The following CFAP46 variants were observed in gnomAD, a reference collection of about 807,000 sequenced individuals.
CFAP46 encodes the protein cilia- and flagella-associated protein 46.
A neutral mutation model predicts 325.7 loss-of-function variants in CFAP46; 245 were observed. The ratio of observed to expected loss-of-function variants is 0.75; its 90% CI spans 0.68 to 0.84. CFAP46 has a LOEUF of 0.84. Ranked by LOEUF, CFAP46 falls within the 40% of genes least tolerant of loss-of-function variation. The pLI is 0.00. For synonymous variants in CFAP46, 1,523 were observed against 1,495.9 expected (o/e 1.02, Z -0.42); for missense variants, 3,346 against 3,543.0 (o/e 0.94, Z 1.41).
chr10:132,810,407 A>G lies in CFAP46; in HGVS notation c.7664+2T>C. ...GCGGGGTGCAGGCCGCCCCTCCCTT[A>G]CCTTGGTTCACCGCCTCGTCGCCAC... On this transcript the variant is annotated splice_donor_variant, in intron 57 of 57. Transcript: ENST00000368586. LOFTEE classifies it high-confidence loss of function. 4 of 1,613,056 alleles carry G rather than the reference A, an allele frequency of 2.5e-6. No individual in the cohort carries two copies. The highest frequency in any genetic ancestry group is 3.4e-6 in the Non-Finnish European group (4 of 1,179,838).
At chr10:132,912,165 T>C (rs142159705) in intron 19 of CFAP46, among the ~76,000 whole-genome samples, 1 of 109,610 alleles carries the variant, frequency 9.1e-6, no homozygotes, top group African/African-American at 3.5e-5. Flanking sequence ...CTCTCTCTCT[T>C]CTCTCTCCTC....
chr10:132,834,207 CA>C lies in CFAP46; in HGVS notation c.6867-85del, dbSNP rs1848199972. 6 of 1,259,720 alleles carry C rather than the reference CA, an allele frequency of 4.8e-6. No individual in the cohort carries two copies. The South Asian group carries it at 7.7e-5, about 16-fold the overall frequency. 78.0% of individuals were successfully genotyped at this position (1,259,720 alleles called of 1,614,324 possible). A position where few individuals can be genotyped will look rare whatever the true frequency, so the allele number is the denominator to read the frequency against. On this transcript the variant is annotated intron_variant, in intron 48 of 57. Coordinates refer to ENST00000368586, the MANE Select transcript of CFAP46 (RefSeq NM_001200049.3). Reference sequence around the variant, plus strand: ...TAGGCGACACCTGCTCAGCCTGTTTCACTCTAAGGCAGCAGCACCACGAATC... The same window carrying C: ...TAGGCGACACCTGCTCAGCCTGTTTCCTCTAAGGCAGCAGCACCACGAATC...
chr10:132,896,677 C>T (rs11146575), intron 24 of CFAP46, among the ~76,000 whole-genome samples: 22 of 152,256 alleles, frequency 1.4e-4, no homozygotes, highest in Admixed American at 1.3e-4. Context: ...CAGTATTCAA[C>T]GCAATCCCTA....
At chr10:132,820,876 ATGTGTGCTG>A (rs1847791254) in intron 50 of CFAP46, among the ~76,000 whole-genome samples, 1 of 64,652 alleles carries the variant, frequency 1.5e-5, no homozygotes, top group Non-Finnish European at 2.8e-5. Context: ...GTGTGTGCTG[ATGTGTGCTG>A]TGTGTGTGCT....
Position 132,922,474 on chromosome 10 carries a change from C to A in CFAP46, c.1485+6G>T. Reference sequence around the variant, plus strand: ...CCCAGCCTCCCTCACTTCCCCGGGGCGGCACCTGCTCAACGGCCATGATGG... The same window carrying A: ...CCCAGCCTCCCTCACTTCCCCGGGGAGGCACCTGCTCAACGGCCATGATGG... On this transcript the variant is annotated splice_donor_region_variant and intron_variant, in intron 12 of 57. Coordinates refer to ENST00000368586, the MANE Select transcript of CFAP46 (RefSeq NM_001200049.3). 1 of 1,527,878 alleles carries A rather than the reference C, an allele frequency of 6.5e-7. No individual in the cohort carries two copies. Among genetic ancestry groups the A allele is most frequent in the South Asian group, 1.2e-5 (1 of 83,268 alleles). The allele number at this position is 1,527,878 out of a possible 1,614,324, so 94.6% of individuals were successfully genotyped here. A position where few individuals can be genotyped will look rare whatever the true frequency, so the allele number is the denominator to read the frequency against.
At chr10:132,810,844 C>T in intron 56 of CFAP46, 106 bp downstream of exon 56, 1 of 1,070,762 alleles carries the variant, frequency 9.3e-7, no homozygotes, top group Non-Finnish European at 1.4e-6. Flanking sequence ...TCTCACCGTT[C>T]TTGAAACCCG....
chr10:132,909,839 GC>G, intron 20 of CFAP46, 79 bp downstream of exon 20: 1 of 1,319,614 alleles, frequency 7.6e-7, no homozygotes, highest in Non-Finnish European at 9.7e-7. Context: ...GGTCCCGGGG[GC>G]CCCACCACCC....
intron 10 of CFAP46, among the ~76,000 whole-genome samples, chr10:132,925,354 C>T (rs1266446553): frequency 1.3e-5 from 2 of 152,278 alleles, no homozygotes; most frequent in African/African-American, 2.4e-5. Flanking sequence ...CACTTGGCCA[C>T]GTCCCCACAG....
intron 10 of CFAP46, 89 bp downstream of exon 10, chr10:132,926,479 C>A (rs1849813615): frequency 1.0e-6 from 1 of 952,430 alleles, no homozygotes. Context: ...GTCCCCAGCA[C>A]CCTCAAGCCT....
chr10:132,822,802 CTG>C (rs1847902233), intron 50 of CFAP46, among the ~76,000 whole-genome samples: 2 of 54,590 alleles, frequency 3.7e-5, no homozygotes, highest in Non-Finnish European at 8.6e-5. Context: ...TGTGTGTGTG[CTG>C]ATGTGTGCTG....
At chr10:132,907,511 T>G (rs995196243) in intron 22 of CFAP46, among the ~76,000 whole-genome samples, 5 of 152,246 alleles carry the variant, frequency 3.3e-5, no homozygotes, top group African/African-American at 1.2e-4. Flanking sequence ...AGAGGCCATT[T>G]TCTTTCATTG....
chr10:132,885,054 C>T (rs1649484414), intron 27 of CFAP46, 49 bp downstream of exon 27: 1 of 1,507,852 alleles, frequency 6.6e-7, no homozygotes, highest in Non-Finnish European at 8.9e-7. Flanking sequence ...TTCTCCCTTT[C>T]ACTAAAGGAC....
intron 50 of CFAP46, among the ~76,000 whole-genome samples, chr10:132,815,539 C>T (rs953162836): frequency 6.6e-6 from 1 of 152,214 alleles, no homozygotes; most frequent in Non-Finnish European, 1.5e-5. Flanking sequence ...TCCTGGCTCA[C>T]GAAGTAAATA....
At position 132,814,738 on chromosome 10, in the gene CFAP46, G is replaced by A. The variant is rs1259242288; in HGVS notation, c.7197C>T (p.Ile2399=). Residue 2399 remains isoleucine, a synonymous_variant, in exon 52 of 58, where the codon ATC becomes ATT. Coordinates refer to ENST00000368586, the MANE Select transcript of CFAP46 (RefSeq NM_001200049.3). ...SLAKKGRKGS[I]PRTIPPDCII... is the part of the protein sequence containing the mutation. ...TGCAGTCAGGGGGGATGGTCCGGGG[G>A]ATGCTGCCCTGCAACCACAGACCAG... The A allele has an allele frequency of 6.2e-7, 1 of 1,613,680 alleles. No individual in the cohort carries two copies. The highest frequency in any genetic ancestry group is 1.3e-5 in the African/African-American group (1 of 75,044).
chr10:132,929,846 C>T (rs1358036151), intron 8 of CFAP46, 42 bp from the exon 9 acceptor site: 16 of 1,460,436 alleles, frequency 1.1e-5, no homozygotes, highest in African/African-American at 4.2e-5. Flanking sequence ...CAATAGGGGG[C>T]ACAGGAAACA....
intron 6 of CFAP46, 36 bp from the exon 7 acceptor site, chr10:132,937,091 C>G: frequency 1.5e-6 from 2 of 1,302,924 alleles, no homozygotes; most frequent in Non-Finnish European, 2.1e-6. Flanking sequence ...AATCTGGATT[C>G]AAACAATTCG....
chr10:132,916,987 C>T (rs1849649714), intron 16 of CFAP46, among the ~76,000 whole-genome samples: 1 of 152,242 alleles, frequency 6.6e-6, no homozygotes, highest in Non-Finnish European at 1.5e-5. Flanking sequence ...TCAGCAGACA[C>T]CGGCCAGCAT....
At chr10:132,833,271 T>C (rs1240285863) in intron 50 of CFAP46, 87 bp downstream of exon 50, 2 of 1,261,660 alleles carry the variant, frequency 1.6e-6, no homozygotes, top group African/African-American at 1.5e-5. Context: ...TATTTCTTGA[T>C]AGGAGCTAAC....
chr10:132,908,827 C>A (rs559119105), intron 21 of CFAP46, among the ~76,000 whole-genome samples, 193 bp from the exon 22 acceptor site: 4 of 152,376 alleles, frequency 2.6e-5, no homozygotes, highest in South Asian at 2.1e-4. Flanking sequence ...AGCTCCCACA[C>A]CCCACAGGGT....
Sources: gnomAD v4.1 joint callset for allele counts (sites outside exome capture counted in the v4.1 genomes callset) on GRCh38, gnomAD v4.1.1 for gene constraint, MANE v1.5 for transcripts, NCBI Gene and HGNC (gene_info 2026-07-23, HGNC 2026-07-21) for gene names.